The following TBC1D22A variants were observed in gnomAD, a reference collection of about 807,000 sequenced individuals.
The protein encoded by TBC1D22A is putative GTPase activator.
A neutral mutation model predicts 60.2 loss-of-function variants in TBC1D22A; 38 were observed. The ratio of observed to expected loss-of-function variants is 0.63; its 90% CI spans 0.49 to 0.83. TBC1D22A has a LOEUF of 0.83. TBC1D22A is among the 40% of genes least tolerant of loss of function. The pLI, the probability that TBC1D22A is intolerant of heterozygous loss-of-function variation, is 0.00. For missense variants in TBC1D22A, 628 were observed against 701.0 expected (o/e 0.90, Z 1.18); for synonymous variants, 302 against 281.7 (o/e 1.07, Z -0.72).
rs1014686465 is a variant in TBC1D22A, at chr22:46,943,246, C to T, written c.1016-31044C>T. The stretch of plus-strand genomic sequence containing the variant: ...CATCCATCTCGGTGTAATTAATGAG[C>T]CTCCTCTCCCACTCAGAAGCCAGGA... On this transcript the variant is annotated intron_variant, in intron 8 of 12. Coordinates refer to ENST00000337137, the MANE Select transcript of TBC1D22A (RefSeq NM_014346.5). 2.4e-4 allele frequency among the ~76,000 whole-genome samples: 36 copies of T among 152,278 alleles called. No homozygotes were observed. In the Middle Eastern group the frequency reaches 0.014, roughly 58 times the overall value.
At chr22:47,048,076 C>T (rs1461919248) in intron 11 of TBC1D22A, among the ~76,000 whole-genome samples, 1 of 152,204 alleles carries the variant, frequency 6.6e-6, no homozygotes, top group Non-Finnish European at 1.5e-5. Flanking sequence ...AGGTGCCTTC[C>T]AGTCTGCCCC....
intron 4 of TBC1D22A, among the ~76,000 whole-genome samples, chr22:46,811,565 C>T (rs911247500): frequency 6.6e-6 from 1 of 152,206 alleles, no homozygotes; most frequent in Admixed American, 6.5e-5. Flanking sequence ...GCAGCAGCAA[C>T]AGTCACAAGC....
intron 5 of TBC1D22A, among the ~76,000 whole-genome samples, chr22:46,886,464 A>G (rs2068123541): frequency 1.3e-5 from 2 of 152,158 alleles, no homozygotes; most frequent in Non-Finnish European, 2.9e-5. Context: ...TGCGTCTGAC[A>G]CGCGTGTAAC....
intron 8 of TBC1D22A, among the ~76,000 whole-genome samples, chr22:46,968,775 G>C (rs1449395189): frequency 1.3e-5 from 2 of 152,218 alleles, no homozygotes; most frequent in Non-Finnish European, 2.9e-5. Flanking sequence ...GAGGGGCCAA[G>C]AATTTCTGCT....
chr22:47,090,474 C>T (rs2064877069), intron 11 of TBC1D22A, among the ~76,000 whole-genome samples: 2 of 152,258 alleles, frequency 1.3e-5, no homozygotes, highest in African/African-American at 4.8e-5. Flanking sequence ...TCAGTGCTGT[C>T]AGAAACGCAA....
chr22:47,061,758 T>G (rs2147454824), intron 11 of TBC1D22A, among the ~76,000 whole-genome samples: 1 of 152,250 alleles, frequency 6.6e-6, no homozygotes, highest in South Asian at 2.1e-4. Flanking sequence ...GATTCTTTCC[T>G]TAAAAGTGTT....
rs1569397708 is a variant in TBC1D22A at position 47,055,874 on chromosome 22, A to AGATATGCCACTGAGGGTCGG, written c.1329+18676_1329+18677insGATATGCCACTGAGGGTCGG. ...CAGTGAGATACGCCACGGAGGGTTG[A>AGATATGCCACTGAGGGTCGG]TGAGATACGCCACTGAGGGTCGGTG... is the stretch of plus-strand genomic sequence containing the variant. On this transcript the variant is annotated intron_variant, in intron 11 of 12. Transcript: ENST00000337137. 7.2e-3 allele frequency among the ~76,000 whole-genome samples: 674 copies of AGATATGCCACTGAGGGTCGG among 93,934 alleles called. 6 individuals are homozygous for AGATATGCCACTGAGGGTCGG. Among genetic ancestry groups the AGATATGCCACTGAGGGTCGG allele is most frequent in the African/African-American group, 0.02 (603 of 29,716 alleles). The allele number at this position is 93,934 out of a possible 152,430, so 61.6% of individuals were successfully genotyped here.
At chr22:46,883,782 C>T (rs2067970433) in intron 5 of TBC1D22A, among the ~76,000 whole-genome samples, 1 of 152,228 alleles carries the variant, frequency 6.6e-6, no homozygotes, top group Non-Finnish European at 1.5e-5. Flanking sequence ...GCTTCACACC[C>T]ATCATTGGCC....
intron 10 of TBC1D22A, among the ~76,000 whole-genome samples, chr22:47,021,376 C>G (rs1223648304): frequency 6.7e-6 from 1 of 150,146 alleles, no homozygotes; most frequent in Non-Finnish European, 1.5e-5. Flanking sequence ...TATCCTGGAG[C>G]CCTGAGCAGG....
chr22:47,168,828 A>G (rs1447390237), intron 12 of TBC1D22A, among the ~76,000 whole-genome samples: 1 of 152,206 alleles, frequency 6.6e-6, no homozygotes, highest in Non-Finnish European at 1.5e-5. Context: ...CAGGAAAAAT[A>G]AAACCCTTTT....
chr22:46,821,684 G>A (rs2085838006), intron 4 of TBC1D22A, among the ~76,000 whole-genome samples: 1 of 152,026 alleles, frequency 6.6e-6, no homozygotes, highest in Non-Finnish European at 1.5e-5. Flanking sequence ...CCTTCATTTT[G>A]ACCTTGGAGA....
intron 10 of TBC1D22A, among the ~76,000 whole-genome samples, chr22:47,011,587 G>T (rs950582913): frequency 6.6e-6 from 1 of 152,196 alleles, no homozygotes; most frequent in Non-Finnish European, 1.5e-5. Context: ...CAGCCTGCAC[G>T]TTAGGGCTCC....
At chr22:46,978,088 T>C (rs951516057) in intron 9 of TBC1D22A, among the ~76,000 whole-genome samples, 3 of 152,212 alleles carry the variant, frequency 2.0e-5, no homozygotes. Flanking sequence ...TCAGGCCAGC[T>C]CATGGCTAGG....
chr22:47,057,399 GAACCAGGGT>G (rs1747380733), intron 11 of TBC1D22A, among the ~76,000 whole-genome samples: 1 of 152,300 alleles, frequency 6.6e-6, no homozygotes, highest in South Asian at 2.1e-4. Flanking sequence ...CAGGTGCAGG[GAACCAGGGT>G]GGCTCGAACC....
At chr22:46,881,586 C>T (rs1433036997) in intron 5 of TBC1D22A, among the ~76,000 whole-genome samples, 1 of 152,192 alleles carries the variant, frequency 6.6e-6, no homozygotes, top group Non-Finnish European at 1.5e-5. Context: ...ACAGGCTGTT[C>T]TTGCCCAGTG....
Position 46,785,269 on chromosome 22 carries a change from C to G in TBC1D22A, c.63-7251C>G, listed in dbSNP as rs115697140. Among the ~76,000 whole-genome samples the G allele has an allele frequency of 5.4e-3, 819 of 152,348 alleles. 7 individuals are homozygous for G. The highest frequency in any genetic ancestry group is 0.018 in the African/African-American group (756 of 41,578). On this transcript the variant is annotated intron_variant, in intron 1 of 12. Coordinates refer to ENST00000337137, the MANE Select transcript of TBC1D22A (RefSeq NM_014346.5). ...GTCTAGCAGTGATGCAGGCTGTCCA[C>G]TGGGCCTTCAGCTAGTGCTGTGGGT...
At position 46,793,552 on chromosome 22, in the gene TBC1D22A, G is replaced by A. The variant is rs761408273; in HGVS notation, c.171G>A (p.Arg57=). ...KMPTTPVKAK[R]VSTFQEFESN... is the part of the protein sequence containing the mutation. ...CGACCACACCAGTGAAGGCCAAGAG[G>A]GTCAGCACCTTCCAGGAGTTTGAGA... Residue 57 remains arginine, a synonymous_variant, in exon 3 of 13, where the codon AGG becomes AGA. Transcript: ENST00000337137. The A allele has an allele frequency of 6.2e-7, 1 of 1,614,172 alleles. No homozygotes were observed. The highest frequency in any genetic ancestry group is 1.7e-4 in the Middle Eastern group (1 of 6,056).
chr22:46,930,985 TAGA>T (rs2071326652), intron 8 of TBC1D22A, among the ~76,000 whole-genome samples: 1 of 152,236 alleles, frequency 6.6e-6, no homozygotes, highest in Admixed American at 6.5e-5. Context: ...GCTCTTAGTT[TAGA>T]AGAAGGGATA....
At chr22:46,943,727 C>T (rs1045105883) in intron 8 of TBC1D22A, among the ~76,000 whole-genome samples, 8 of 152,210 alleles carry the variant, frequency 5.3e-5, no homozygotes, top group African/African-American at 1.9e-4. Context: ...TCCTCAGCCC[C>T]TGGTGACCAC....
Sources: gnomAD v4.1 joint callset for allele counts (sites outside exome capture counted in the v4.1 genomes callset) on GRCh38, gnomAD v4.1.1 for gene constraint, MANE v1.5 for transcripts, NCBI Gene and HGNC (gene_info 2026-07-23, HGNC 2026-07-21) for gene names.